The following SNX29 variants were observed in gnomAD, a reference collection of about 807,000 sequenced individuals.
SNX29 encodes the protein sorting nexin-29.
In SNX29, 78 loss-of-function variants were observed where a neutral mutation model predicts 102.1. The observed-to-expected ratio is 0.76, with a 90% CI of 0.64 to 0.92. The LOEUF is 0.92. Ranked by LOEUF, SNX29 falls within the 40% of genes least tolerant of loss-of-function variation. The pLI, the probability that SNX29 is intolerant of heterozygous loss-of-function variation, is 0.00. For missense variants in SNX29, 1,280 were observed against 1,061.7 expected, an observed-to-expected ratio of 1.21 and a Z score of -2.86; for synonymous variants, 580 against 414.5, an observed-to-expected ratio of 1.40 and a Z score of -4.85.
At chr16:12,567,797 C>T (rs1040130552) in intron 20 of SNX29, among the ~76,000 whole-genome samples, 1 of 152,160 alleles carries the variant, frequency 6.6e-6, no homozygotes, top group African/African-American at 2.4e-5. Flanking sequence ...AACCACATCA[C>T]AGGACTTCCT....
chr16:12,455,407 G>A (rs936800929), intron 18 of SNX29, among the ~76,000 whole-genome samples: 1 of 152,070 alleles, frequency 6.6e-6, no homozygotes, highest in African/African-American at 2.4e-5. Context: ...TACCGGCTTG[G>A]CCAGCACCCG....
intron 13 of SNX29, among the ~76,000 whole-genome samples, chr16:12,164,597 C>T (rs1322354090): frequency 1.3e-5 from 2 of 151,548 alleles, no homozygotes; most frequent in East Asian, 1.9e-4. Flanking sequence ...GCTGTATGGG[C>T]AGCCTGAGCA....
chr16:12,398,654 C>T (rs991889152), intron 17 of SNX29, among the ~76,000 whole-genome samples, 153 bp downstream of exon 17: 2 of 152,126 alleles, frequency 1.3e-5, no homozygotes, highest in Non-Finnish European at 2.9e-5. Flanking sequence ...GAGTCGCTCT[C>T]CTACAGCCTC....
At chr16:12,289,184 T>C (rs1313097200) in intron 15 of SNX29, among the ~76,000 whole-genome samples, 1 of 152,230 alleles carries the variant, frequency 6.6e-6, no homozygotes, top group Admixed American at 6.5e-5. Context: ...GGCAGGCCCC[T>C]TCTGATGCCT....
At chr16:12,564,269 C>T (rs553765145) in intron 20 of SNX29, among the ~76,000 whole-genome samples, 3 of 152,286 alleles carry the variant, frequency 2.0e-5, no homozygotes, top group East Asian at 1.9e-4. Flanking sequence ...ATATTAGATG[C>T]CTCTACCAGT....
At chr16:12,363,482 T>C (rs1040874454) in intron 16 of SNX29, among the ~76,000 whole-genome samples, 2 of 152,166 alleles carry the variant, frequency 1.3e-5, no homozygotes, top group African/African-American at 2.4e-5. Context: ...TCTCCTCTTC[T>C]ATCTGCTGGG....
chr16:12,047,087 A>G (rs1232679200), intron 6 of SNX29, among the ~76,000 whole-genome samples: 10 of 152,238 alleles, frequency 6.6e-5, no homozygotes, highest in African/African-American at 2.4e-4. Flanking sequence ...ACCTGGGCAG[A>G]TGCCGTAAGC....
chr16:12,496,911 A>C (rs984686594), intron 19 of SNX29, among the ~76,000 whole-genome samples: 3 of 151,994 alleles, frequency 2.0e-5, no homozygotes, highest in African/African-American at 7.3e-5. Context: ...AAAGCTGCAG[A>C]AGCATGGGTA....
intron 17 of SNX29, among the ~76,000 whole-genome samples, chr16:12,398,751 C>G (rs2083819831): frequency 6.6e-6 from 1 of 150,980 alleles, no homozygotes; most frequent in Non-Finnish European, 1.5e-5. Flanking sequence ...AATTTGGAAG[C>G]TATCACATAA....
chr16:12,550,356 G>A (rs909498036), intron 20 of SNX29, among the ~76,000 whole-genome samples: 2 of 152,086 alleles, frequency 1.3e-5, no homozygotes, highest in African/African-American at 4.8e-5. Flanking sequence ...CCAACAAGAG[G>A]AAAACCCATC....
intron 13 of SNX29, among the ~76,000 whole-genome samples, chr16:12,167,531 T>G (rs965830888): frequency 6.6e-6 from 1 of 152,174 alleles, no homozygotes; most frequent in African/African-American, 2.4e-5. Flanking sequence ...CCACCATTAA[T>G]TGCCCAGGGT....
At chr16:12,501,152 T>G (rs1221958648) in intron 19 of SNX29, among the ~76,000 whole-genome samples, 1 of 152,142 alleles carries the variant, frequency 6.6e-6, no homozygotes, top group Non-Finnish European at 1.5e-5. Flanking sequence ...CCCCAGCACT[T>G]TGGGAGATCA....
chr16:12,561,168 A>T (rs967714461), intron 20 of SNX29: 1 of 229,932 alleles, frequency 4.3e-6, no homozygotes, highest in East Asian at 6.2e-5. Flanking sequence ...TTCAAAGGCT[A>T]TTCAGCCTGG....
At chr16:12,277,824 C>G (rs2079302516) in intron 14 of SNX29, 109 bp from the exon 15 acceptor site, 2 of 860,684 alleles carry the variant, frequency 2.3e-6, no homozygotes, top group Non-Finnish European at 1.8e-6. Context: ...TTCTTGAGAG[C>G]TTTTTCAGTC....
chr16:12,560,327 G>A (rs1316168678), intron 20 of SNX29, among the ~76,000 whole-genome samples: 2 of 152,100 alleles, frequency 1.3e-5, no homozygotes, highest in Non-Finnish European at 2.9e-5. Flanking sequence ...AAATAATGCT[G>A]GGTTTACCGA....
intron 18 of SNX29, among the ~76,000 whole-genome samples, chr16:12,476,236 C>T (rs1465951812): frequency 6.8e-5 from 10 of 147,256 alleles, no homozygotes; most frequent in African/African-American, 1.5e-4. Flanking sequence ...GCAGGAGAAT[C>T]GCTTGAACTT....
intron 15 of SNX29, among the ~76,000 whole-genome samples, chr16:12,280,607 A>G (rs1197642905): frequency 6.6e-6 from 1 of 152,158 alleles, no homozygotes; most frequent in African/African-American, 2.4e-5. Flanking sequence ...TGAAGCAGAC[A>G]TGTCCTCAAA....
intron 14 of SNX29, among the ~76,000 whole-genome samples, chr16:12,200,869 G>A (rs895216345): frequency 2.0e-5 from 3 of 152,066 alleles, no homozygotes; most frequent in Non-Finnish European, 2.9e-5. Context: ...TTTACTATAC[G>A]TACCAGGACA....
rs138522727 is a variant in SNX29 at position 12,558,721 on chromosome 16, G to A, written c.2319-9785G>A. On this transcript the variant is annotated intron_variant, in intron 20 of 20. Transcript: ENST00000566228. ...CCCCATCCCGTTTCTACGGGGGGCT[G>A]CACAAGCCTCACCACTAGGCTGTCC... 8.6e-3 allele frequency among the ~76,000 whole-genome samples: 1,309 copies of A among 152,310 alleles called. 18 individuals carry two copies. The highest frequency in any genetic ancestry group is 0.03 in the African/African-American group (1,266 of 41,568).
Sources: allele counts gnomAD v4.1 joint callset (sites outside exome capture counted in the v4.1 genomes callset), GRCh38; gene constraint gnomAD v4.1.1; transcripts MANE v1.5; gene names NCBI Gene and HGNC (gene_info 2026-07-23, HGNC 2026-07-21).